Variants in HDHD2 observed in about 807,000 individuals in gnomAD.
The protein encoded by HDHD2 is haloacid dehalogenase like hydrolase domain containing 2, also known as haloacid dehalogenase-like hydrolase domain-containing protein 2.
In HDHD2, 26 loss-of-function variants were observed where a neutral mutation model predicts 24.8. The ratio of observed to expected loss-of-function variants is 1.05; its 90% CI spans 0.77 to 1.45. The LOEUF is 1.45. Ranked by LOEUF, HDHD2 falls within the 40% of genes most tolerant of loss-of-function variation. The pLI is 0.00. For missense variants in HDHD2, 299 were observed against 313.4 expected (o/e 0.95, Z 0.35); for synonymous variants, 128 against 114.9 (o/e 1.11, Z -0.73).
At chr18:47,111,939 C>G (rs573434194) in intron 6 of HDHD2, among the ~76,000 whole-genome samples, 1 of 152,268 alleles carries the variant, frequency 6.6e-6, no homozygotes, top group Admixed American at 6.5e-5. Context: ...AGTTTTACTA[C>G]TATGATATGA....
intron 1 of HDHD2, among the ~76,000 whole-genome samples, chr18:47,149,513 G>A (rs1234790258): frequency 6.6e-6 from 1 of 152,144 alleles, no homozygotes; most frequent in Non-Finnish European, 1.5e-5. Flanking sequence ...GGTGGACAGA[G>A]TCCTGGTTTA....
chr18:47,113,489 TAACAGGTAG>T (rs904870578), intron 5 of HDHD2, among the ~76,000 whole-genome samples: 28 of 152,224 alleles, frequency 1.8e-4, no homozygotes, highest in African/African-American at 5.8e-4. Flanking sequence ...CCCATTGTCC[TAACAGGTAG>T]AATCAAGTTA....
intron 1 of HDHD2, among the ~76,000 whole-genome samples, chr18:47,146,288 C>T (rs933017650): frequency 2.7e-5 from 4 of 150,342 alleles, no homozygotes; most frequent in Admixed American, 2.6e-4. Flanking sequence ...ATACTCAAAG[C>T]TCATTGGTAA....
At position 47,115,410 on chromosome 18, in the gene HDHD2, C is replaced by G. The variant is rs778497054; in HGVS notation, c.396-62G>C. Reference sequence around the variant, plus strand: ...AAAGCAAGGCTTTTATGACTGGGAACGAATGTCAGACTTACAAAGTGGCTG... The same window carrying G: ...AAAGCAAGGCTTTTATGACTGGGAAGGAATGTCAGACTTACAAAGTGGCTG... On this transcript the variant is annotated intron_variant, in intron 4 of 6. Coordinates refer to ENST00000300605, the MANE Select transcript of HDHD2 (RefSeq NM_032124.5). 15 of 1,198,858 alleles carry G rather than the reference C, an allele frequency of 1.3e-5. No homozygotes were observed. In the South Asian group the frequency reaches 1.3e-4, roughly 11 times the overall value. 74.3% of individuals were successfully genotyped at this position (1,198,858 alleles called of 1,614,324 possible). A position where few individuals can be genotyped will look rare whatever the true frequency, so the allele number is the denominator to read the frequency against.
At chr18:47,143,093 C>T (rs1159276684) in intron 1 of HDHD2, among the ~76,000 whole-genome samples, 1 of 152,018 alleles carries the variant, frequency 6.6e-6, no homozygotes, top group Admixed American at 6.5e-5. Flanking sequence ...AGATATACAA[C>T]AGGAATAAAA....
chr18:47,109,031 CGT>C (rs1276332363), intron 6 of HDHD2: 33 of 459,102 alleles, frequency 7.2e-5, no homozygotes, highest in Non-Finnish European at 7.6e-6. Context: ...GGTACTGGAT[CGT>C]CTGACAGCTA....
chr18:47,123,822 A>G (rs1440004135), intron 4 of HDHD2, among the ~76,000 whole-genome samples: 1 of 152,218 alleles, frequency 6.6e-6, no homozygotes, highest in East Asian at 1.9e-4. Flanking sequence ...AGATTTAAGG[A>G]AGGATCAAAC....
At position 47,130,324 on chromosome 18, in the gene HDHD2, T is replaced by TAC. The variant is rs968370171; in HGVS notation, c.314_315insGT (p.Ile105MetfsTer24). The TAC allele has an allele frequency of 3.2e-6, 5 of 1,583,672 alleles. No individual in the cohort carries two copies. The highest frequency in any genetic ancestry group is 4.3e-6 in the Non-Finnish European group (5 of 1,164,298). On this transcript the variant is annotated frameshift_variant, in exon 4 of 7. Coordinates refer to ENST00000300605, the MANE Select transcript of HDHD2 (RefSeq NM_032124.5). LOFTEE classifies it high-confidence loss of function. ...CCACAGCATTAGGATCACTTGTTTG[T>TAC]ATTCCTGGGAACGGAAAAAAAAAAT...
chr18:47,130,999 G>C (rs1328591212), intron 3 of HDHD2, among the ~76,000 whole-genome samples: 1 of 151,848 alleles, frequency 6.6e-6, no homozygotes, highest in Non-Finnish European at 1.5e-5. Flanking sequence ...TTTTTGAGAC[G>C]GAGTTTTGCT....
intron 6 of HDHD2, chr18:47,109,113 T>C (rs140064416): frequency 2.3e-4 from 56 of 240,728 alleles, no homozygotes; most frequent in African/African-American, 8.2e-4. Flanking sequence ...TAAAGATAGA[T>C]TGGTGATTAA....
intron 1 of HDHD2, among the ~76,000 whole-genome samples, chr18:47,141,481 A>G (rs1053648778): frequency 2.0e-5 from 3 of 152,208 alleles, no homozygotes; most frequent in Non-Finnish European, 4.4e-5. Context: ...GGGAGGAACT[A>G]AACTCCACCT....
chr18:47,149,388 T>C (rs1261219233), intron 1 of HDHD2, among the ~76,000 whole-genome samples: 1 of 152,146 alleles, frequency 6.6e-6, no homozygotes, highest in East Asian at 1.9e-4. Context: ...TTCCAGACTT[T>C]TCTGGAACCA....
chr18:47,119,626 G>C (rs755991731), intron 4 of HDHD2, among the ~76,000 whole-genome samples: 1 of 152,156 alleles, frequency 6.6e-6, no homozygotes, highest in Non-Finnish European at 1.5e-5. Context: ...AGTCATCCAT[G>C]AGGGTTAAAA....
chr18:47,115,031 TGTCA>T (rs1599924323), intron 5 of HDHD2, 97 bp downstream of exon 5: 1 of 789,504 alleles, frequency 1.3e-6, no homozygotes, highest in Non-Finnish European at 2.2e-6. Context: ...CTGTCCACAT[TGTCA>T]GTAACAGAAT....
rs770033271 is a variant in HDHD2 at position 47,127,959 on chromosome 18, C to T, written c.395+2285G>A. ...CAGCCTAAACAGTAATTTAACTAAT[C>T]GGTGGTTCATTTAAGATGTCTGTAT... On this transcript the variant is annotated intron_variant, in intron 4 of 6. Coordinates refer to ENST00000300605, the MANE Select transcript of HDHD2 (RefSeq NM_032124.5). Among the ~76,000 whole-genome samples the T allele has an allele frequency of 5.8e-4, 88 of 152,208 alleles. 1 individual carries two copies. The highest frequency in any genetic ancestry group is 8.8e-4 in the Non-Finnish European group (60 of 68,010).
intron 1 of HDHD2, among the ~76,000 whole-genome samples, chr18:47,149,584 G>A (rs1185507586): frequency 1.3e-5 from 2 of 152,034 alleles, no homozygotes; most frequent in African/African-American, 4.8e-5. Context: ...AGGCGGCCAA[G>A]AGCTCTACAC....
At chr18:47,111,161 T>C in intron 6 of HDHD2, 1 of 984,694 alleles carries the variant, frequency 1.0e-6, no homozygotes, top group Non-Finnish European at 1.2e-6. Flanking sequence ...CTTAGTTGAT[T>C]TACTAATTAC....
chr18:47,119,463 C>A (rs573402215), intron 4 of HDHD2, among the ~76,000 whole-genome samples: 2 of 152,322 alleles, frequency 1.3e-5, no homozygotes, highest in South Asian at 4.1e-4. Flanking sequence ...TTTCTTTGTT[C>A]ATCCAAAAGA....
intron 1 of HDHD2, among the ~76,000 whole-genome samples, chr18:47,147,158 C>A (rs1296119022): frequency 6.6e-5 from 10 of 152,144 alleles, no homozygotes; most frequent in African/African-American, 2.4e-4. Flanking sequence ...ACCTTCAAGG[C>A]ATTTTGAATT....
Sources: allele counts gnomAD v4.1 joint callset (sites outside exome capture counted in the v4.1 genomes callset), GRCh38; gene constraint gnomAD v4.1.1; transcripts MANE v1.5; gene names NCBI Gene and HGNC (gene_info 2026-07-23, HGNC 2026-07-21).